The following GPR161 variants were observed in gnomAD, a reference collection of about 807,000 sequenced individuals.
The protein encoded by GPR161 is G protein-coupled receptor 161.
GPR161 carries 25 observed loss-of-function variants against 39.2 expected under a neutral mutation model. That is an observed-to-expected ratio of 0.64 (90% CI 0.47 to 0.89). The LOEUF is 0.89. GPR161 is among the 40% of genes least tolerant of loss of function. The probability of loss-of-function intolerance (pLI) is 0.00; values close to 1 mark genes in which losing one functional copy is unlikely to be tolerated. For missense variants in GPR161, 547 were observed against 677.8 expected (o/e 0.81, Z 2.14); for synonymous variants, 286 against 276.6 (o/e 1.03, Z -0.34).
At position 168,104,672 on chromosome 1, in the gene GPR161, G is replaced by T; in HGVS notation, c.179C>A (p.Thr60Asn). ...VTLYKKSYLL[T>N]LSNKFVFSLT... is the part of the protein sequence containing the mutation. Reference sequence around the variant, plus strand: ...GCTGAAGACGAACTTGTTGCTGAGGGTGAGGAGGTAGGACTTCTTGTACAA... The same window carrying T: ...GCTGAAGACGAACTTGTTGCTGAGGTTGAGGAGGTAGGACTTCTTGTACAA... Residue 60 changes from threonine to asparagine, a missense_variant, in exon 2 of 6, where the codon ACC (threonine) becomes AAC (asparagine). Transcript: ENST00000682931. 1 of 1,613,820 alleles carries T rather than the reference G, an allele frequency of 6.2e-7. No individual in the cohort carries two copies. The highest frequency in any genetic ancestry group is 8.5e-7 in the Non-Finnish European group (1 of 1,179,698).
chr1:168,115,850 A>G (rs1697583117), intron 1 of GPR161, among the ~76,000 whole-genome samples: 1 of 150,592 alleles, frequency 6.6e-6, no homozygotes, highest in Non-Finnish European at 1.5e-5. Flanking sequence ...ATCTCGGCTC[A>G]CTGCAAGCTC....
At chr1:168,137,217 G>A, upstream of GPR161, 2 of 1,461,490 alleles carry the variant, frequency 1.4e-6, no homozygotes, top group South Asian at 1.4e-5. Flanking sequence ...GCCTAACTCA[G>A]GCCTTCCCTG....
chr1:168,136,455 G>A, intron 1 of GPR161: 1 of 1,297,620 alleles, frequency 7.7e-7, no homozygotes, highest in South Asian at 2.2e-5. Context: ...GCTGCACCCA[G>A]CAGAATGGGG....
At position 168,085,662 on chromosome 1, in the gene GPR161, C is replaced by A; in HGVS notation, c.1459G>T (p.Val487Phe). ...NLFGEEALPG[V>F]LVTARTVPGG... ...GGGACAGTCCGTGCTGTAACCAAGA[C>A]CCCTGGCAAAGCCTCCTCCCCAAAT... Residue 487 changes from valine to phenylalanine, a missense_variant, in exon 6 of 6, where the codon GTC (valine) becomes TTC (phenylalanine). Transcript: ENST00000682931. The A allele has an allele frequency of 6.2e-7, 1 of 1,614,262 alleles. No individual in the cohort carries two copies. The highest frequency in any genetic ancestry group is 8.5e-7 in the Non-Finnish European group (1 of 1,180,050).
At position 168,104,864 on chromosome 1, in the gene GPR161, C is replaced by G; in HGVS notation, c.-14G>C. 1 of 1,611,536 alleles carries G rather than the reference C, an allele frequency of 6.2e-7. No homozygotes were observed. The highest frequency in any genetic ancestry group is 8.5e-7 in the Non-Finnish European group (1 of 1,178,028). ...GTTGAGGCTCATGGTCAGTGCACCT[C>G]GGCGTGGGGTGGGCAGAGCATGCTG... On this transcript the variant is annotated 5_prime_UTR_variant, in exon 2 of 6. Coordinates refer to ENST00000682931, the MANE Select transcript of GPR161 (RefSeq NM_001375883.1).
chr1:168,137,047 C>T, upstream of GPR161: 1 of 884,256 alleles, frequency 1.1e-6, no homozygotes, highest in Non-Finnish European at 1.3e-6. Context: ...GCCCAGCTCC[C>T]GGCGCCCCTC....
chr1:168,111,463 TCACACAAAGA>T (rs1558121073), intron 1 of GPR161, among the ~76,000 whole-genome samples: 1 of 152,120 alleles, frequency 6.6e-6, no homozygotes, highest in African/African-American at 2.4e-5. Flanking sequence ...GCTGCTTTGA[TCACACAAAGA>T]CACAAGGAAG....
At chr1:168,124,242 G>A (rs1698424172) in intron 1 of GPR161, among the ~76,000 whole-genome samples, 1 of 152,116 alleles carries the variant, frequency 6.6e-6, no homozygotes, top group Non-Finnish European at 1.5e-5. Flanking sequence ...TCATTGGAAG[G>A]AGAGGGTGTC....
At chr1:168,113,056 G>A (rs1227928812) in intron 1 of GPR161, among the ~76,000 whole-genome samples, 8 of 152,190 alleles carry the variant, frequency 5.3e-5, no homozygotes, top group Admixed American at 4.6e-4. Context: ...CCCTCAGGGT[G>A]TATCTTTAAA....
intron 2 of GPR161, among the ~76,000 whole-genome samples, chr1:168,100,741 T>C (rs1417970664): frequency 1.3e-5 from 2 of 152,260 alleles, no homozygotes; most frequent in Admixed American, 1.3e-4. Context: ...TCATCTTTGC[T>C]AGCCCTATCC....
At chr1:168,091,293 G>C (rs922571543) in intron 3 of GPR161, among the ~76,000 whole-genome samples, 3 of 152,196 alleles carry the variant, frequency 2.0e-5, no homozygotes, top group Admixed American at 6.5e-5. Flanking sequence ...AGTGTTGGTA[G>C]GAGAGGAGAG....
Position 168,085,224 on chromosome 1 carries a change from C to T in GPR161, c.*307G>A. On this transcript the variant is annotated 3_prime_UTR_variant, in exon 6 of 6. Transcript: ENST00000682931. ...CTTCGTCTCTGGTCCTCCCATGCCC[C>T]ACCTCCCAAAAAGCCACAGCCACAT... 2.2e-6 allele frequency: 1 copy of T among 461,478 alleles called. No homozygotes were observed. The allele number at this position is 461,478 out of a possible 1,614,324, so 28.6% of individuals were successfully genotyped here.
intron 2 of GPR161, among the ~76,000 whole-genome samples, chr1:168,097,994 T>C (rs1695718247): frequency 6.6e-6 from 1 of 151,720 alleles, no homozygotes; most frequent in Non-Finnish European, 1.5e-5. Context: ...AGGGGGCGGG[T>C]CCGAATCACT....
At position 168,104,536 on chromosome 1, in the gene GPR161, G is replaced by A. The variant is rs907383477; in HGVS notation, c.315C>T (p.Leu105=). The change falls in exon 2 of 6, where the codon CTC becomes CTT. Residue 105 remains leucine, a synonymous_variant. Coordinates refer to ENST00000682931, the MANE Select transcript of GPR161 (RefSeq NM_001375883.1). ...FGVVWCNFSA[L]LYLLISSASM... ...TGGCAGAGCTGATCAGCAGGTAGAG[G>A]AGGGCAGAGAAGTTGCACCACACTA... The A allele has an allele frequency of 6.2e-7, 1 of 1,614,092 alleles. No homozygotes were observed. Among genetic ancestry groups the A allele is most frequent in the Non-Finnish European group, 8.5e-7 (1 of 1,179,986 alleles).
chr1:168,123,926 C>T (rs1414196995), intron 1 of GPR161, among the ~76,000 whole-genome samples: 1 of 152,200 alleles, frequency 6.6e-6, no homozygotes, highest in Non-Finnish European at 1.5e-5. Flanking sequence ...GCTAGTCAAC[C>T]CCTTTTTGGT....
At chr1:168,119,625 T>G (rs545170410) in intron 1 of GPR161, among the ~76,000 whole-genome samples, 1 of 152,144 alleles carries the variant, frequency 6.6e-6, no homozygotes, top group African/African-American at 2.4e-5. Context: ...CACTCAACTG[T>G]GCACTTAAAA....
chr1:168,109,257 T>C (rs966658716), intron 1 of GPR161, among the ~76,000 whole-genome samples: 1 of 152,132 alleles, frequency 6.6e-6, no homozygotes, highest in African/African-American at 2.4e-5. Context: ...TTATTTCAAA[T>C]GCACAGAAAA....
Position 168,085,727 on chromosome 1 carries a change from C to G in GPR161, c.1394G>C (p.Ser465Thr). ...VHKSLDSYAA[S>T]LAKAIEAEAK... ...TTCGGCCTCAATGGCTTTGGCCAAGCTTGCTGCGTAACTGTCCAAGGACTT... is the reference window on the plus strand; with the variant it reads ...TTCGGCCTCAATGGCTTTGGCCAAGGTTGCTGCGTAACTGTCCAAGGACTT... Residue 465 changes from serine to threonine, a missense_variant, in exon 6 of 6, where the codon AGC becomes ACC. Ser to Thr is a moderately conservative substitution (Grantham distance 58). Coordinates refer to ENST00000682931, the MANE Select transcript of GPR161 (RefSeq NM_001375883.1). 6.2e-7 allele frequency: 1 copy of G among 1,614,218 alleles called. No homozygotes were observed. Among genetic ancestry groups the G allele is most frequent in the Non-Finnish European group, 8.5e-7 (1 of 1,180,036 alleles).
Position 168,096,771 on chromosome 1 carries a change from A to G in GPR161, c.836T>C (p.Phe279Ser). The G allele has an allele frequency of 6.2e-7, 1 of 1,614,080 alleles. No individual in the cohort carries two copies. The change falls in exon 3 of 6, where the codon TTC (phenylalanine) becomes TCC (serine). Residue 279 changes from phenylalanine to serine, a missense_variant. Coordinates refer to ENST00000682931, the MANE Select transcript of GPR161 (RefSeq NM_001375883.1). ...LITILVVLGA[F>S]MVTWGPYMVV... ...CATGTAGGGGCCCCAGGTGACCATG[A>G]AGGCACCGAGGACCACCAGGATGGT...
Sources: gnomAD v4.1 joint callset for allele counts (sites outside exome capture counted in the v4.1 genomes callset) on GRCh38, gnomAD v4.1.1 for gene constraint, MANE v1.5 for transcripts, NCBI Gene and HGNC (gene_info 2026-07-23, HGNC 2026-07-21) for gene names.